ELMO1: variants seen among roughly 807,000 people sequenced by gnomAD.
ELMO1 encodes engulfment and cell motility 1.
Under a neutral mutation model 98.9 loss-of-function variants are expected in ELMO1, and 26 were observed. That is an observed-to-expected ratio of 0.26 (90% confidence interval 0.19 to 0.36). ELMO1 has a LOEUF of 0.36. ELMO1 is among the 10% of genes least tolerant of loss of function. The pLI, the probability that ELMO1 is intolerant of heterozygous loss-of-function variation, is 1.00. For missense variants in ELMO1, 627 were observed against 935.2 expected, an observed-to-expected ratio of 0.67 and a Z score of 4.30; for synonymous variants, 346 against 346.0, an observed-to-expected ratio of 1.00 and a Z score of 0.00.
intron 20 of ELMO1, among the ~76,000 whole-genome samples, chr7:36,869,384 A>C (rs578054806): frequency 1.3e-5 from 2 of 152,334 alleles, no homozygotes; most frequent in East Asian, 3.9e-4. Flanking sequence ...CCTTAACTAT[A>C]GATAGGGCCA....
chr7:37,168,839 C>T (rs537904560), intron 13 of ELMO1, among the ~76,000 whole-genome samples: 19 of 152,298 alleles, frequency 1.2e-4, no homozygotes, highest in African/African-American at 3.6e-4. Flanking sequence ...TCTCCAGCTG[C>T]GTGCTGGGAG....
rs922386557 is a variant in ELMO1 at position 37,015,120 on chromosome 7, C to T, written c.1301-1685G>A. On this transcript the variant is annotated intron_variant, in intron 15 of 21. Coordinates refer to ENST00000310758, the MANE Select transcript of ELMO1 (RefSeq NM_014800.11). Reference sequence around the variant, plus strand: ...CTCACCATTTCTAAAGGGCACAACCCGATTTGAAGATATGGTAATGCTGTT... The same window carrying T: ...CTCACCATTTCTAAAGGGCACAACCTGATTTGAAGATATGGTAATGCTGTT... Among the ~76,000 whole-genome samples the T allele has an allele frequency of 2.6e-4, 39 of 151,838 alleles. No individual in the cohort carries two copies. In the East Asian group the frequency reaches 2.7e-3, roughly 11 times the overall value.
At chr7:37,117,438 TGCCCTCCCTCCC>T (rs1330786583) in intron 14 of ELMO1, among the ~76,000 whole-genome samples, 1 of 152,174 alleles carries the variant, frequency 6.6e-6, no homozygotes, top group Admixed American at 6.5e-5. Context: ...TTGTGGAATC[TGCCCTCCCTCCC>T]TGGGACAAGG....
chr7:36,948,307 A>C (rs1787675536), intron 16 of ELMO1, among the ~76,000 whole-genome samples: 1 of 152,190 alleles, frequency 6.6e-6, no homozygotes, highest in South Asian at 2.1e-4. Flanking sequence ...GAGGGACCCA[A>C]GTTGACATCA....
At chr7:37,397,731 C>A (rs111686517) in intron 1 of ELMO1, among the ~76,000 whole-genome samples, 3,541 of 152,286 alleles carry the variant, frequency 0.023, 143 homozygotes, top group African/African-American at 0.081. Context: ...TTCACAATAG[C>A]AAAGACATGG....
intron 16 of ELMO1, among the ~76,000 whole-genome samples, chr7:36,927,108 A>G (rs1312835903): frequency 7.9e-5 from 12 of 152,206 alleles, no homozygotes; most frequent in Admixed American, 7.9e-4. Flanking sequence ...ATATGGTTTC[A>G]TTCATTGAAT....
chr7:37,166,387 A>G (rs893637401), intron 13 of ELMO1, among the ~76,000 whole-genome samples: 12 of 151,846 alleles, frequency 7.9e-5, no homozygotes, highest in Admixed American at 2.6e-4. Flanking sequence ...TAGCTTTTGA[A>G]TGTGTTTGCT....
chr7:37,098,945 T>A (rs1215364219), intron 14 of ELMO1, among the ~76,000 whole-genome samples: 2 of 152,250 alleles, frequency 1.3e-5, no homozygotes, highest in Non-Finnish European at 2.9e-5. Flanking sequence ...GTATTTCACA[T>A]TAACATTCTA....
At chr7:37,181,717 C>T (rs1790870359) in intron 13 of ELMO1, among the ~76,000 whole-genome samples, 1 of 152,106 alleles carries the variant, frequency 6.6e-6, no homozygotes, top group Non-Finnish European at 1.5e-5. Context: ...GTATTTTGCC[C>T]AGGGTCACAC....
At chr7:37,224,826 G>A (rs1293007310) in intron 9 of ELMO1, 53 bp downstream of exon 9, 8 of 1,598,246 alleles carry the variant, frequency 5.0e-6, no homozygotes, top group Non-Finnish European at 5.1e-6. Flanking sequence ...GTGCATTACC[G>A]TGGCCATCTT....
chr7:36,900,643 G>A (rs1321631781), intron 16 of ELMO1, among the ~76,000 whole-genome samples: 4 of 152,166 alleles, frequency 2.6e-5, no homozygotes, highest in Non-Finnish European at 5.9e-5. Context: ...TCTGGAGAAG[G>A]TACAATGGTG....
intron 13 of ELMO1, among the ~76,000 whole-genome samples, chr7:37,178,436 A>C (rs1256562372): frequency 0.015 from 2 of 136 alleles, no homozygotes; most frequent in Non-Finnish European, 0.017. Context: ...CATCTCTTCA[A>C]AAAAAAAAAA....
At chr7:36,972,478 G>C (rs1790054336) in intron 16 of ELMO1, among the ~76,000 whole-genome samples, 1 of 152,232 alleles carries the variant, frequency 6.6e-6, no homozygotes, top group Non-Finnish European at 1.5e-5. Context: ...AGTTCTGGAG[G>C]CTGGAAGTCT....
intron 20 of ELMO1, among the ~76,000 whole-genome samples, chr7:36,868,665 A>G (rs1803249460): frequency 6.6e-6 from 1 of 152,106 alleles, no homozygotes; most frequent in South Asian, 2.1e-4. Flanking sequence ...CCTTATTCTG[A>G]GGATGGGAGC....
intron 15 of ELMO1, among the ~76,000 whole-genome samples, chr7:37,087,813 T>C (rs1451481472): frequency 2.0e-5 from 3 of 152,120 alleles, no homozygotes; most frequent in Non-Finnish European, 4.4e-5. Context: ...TTAGGGGAAG[T>C]GAGGCCAGGA....
chr7:37,276,188 T>C (rs989713057), intron 4 of ELMO1, among the ~76,000 whole-genome samples: 5 of 152,318 alleles, frequency 3.3e-5, no homozygotes, highest in African/African-American at 1.2e-4. Flanking sequence ...TAGGTTGTTC[T>C]GAGGACCAAG....
At chr7:37,393,307 A>G (rs1295697737) in intron 1 of ELMO1, among the ~76,000 whole-genome samples, 1 of 152,186 alleles carries the variant, frequency 6.6e-6, no homozygotes, top group African/African-American at 2.4e-5. Flanking sequence ...GCATTCTCCT[A>G]TATAACCACC....
chr7:37,008,566 C>T (rs1793316094), intron 16 of ELMO1, among the ~76,000 whole-genome samples: 2 of 151,976 alleles, frequency 1.3e-5, no homozygotes, highest in South Asian at 4.1e-4. Context: ...TTATCTTATT[C>T]AGTACAAAAG....
intron 16 of ELMO1, among the ~76,000 whole-genome samples, chr7:36,967,455 GCTCGTC>G (rs1214391951): frequency 6.6e-6 from 1 of 152,190 alleles, no homozygotes; most frequent in African/African-American, 2.4e-5. Context: ...TGGCATCAGT[GCTCGTC>G]CTTGGCTTTT....
Sources: allele counts gnomAD v4.1 joint callset (sites outside exome capture counted in the v4.1 genomes callset), GRCh38; gene constraint gnomAD v4.1.1; transcripts MANE v1.5; gene names NCBI Gene and HGNC (gene_info 2026-07-23, HGNC 2026-07-21).